BBS5: variants seen among roughly 807,000 people sequenced by gnomAD.
BBS5 encodes the protein BBSome complex member BBS5.
Under a neutral mutation model 50.2 loss-of-function variants are expected in BBS5, and 39 were observed. The observed-to-expected ratio is 0.78, with a 90% CI of 0.60 to 1.01. BBS5 has a LOEUF of 1.01. BBS5 is among the 50% of genes least tolerant of loss of function. BBS5 has a pLI of 0.00. For synonymous variants in BBS5, 134 were observed against 133.1 expected, an observed-to-expected ratio of 1.01 and a Z score of -0.05; for missense variants, 356 against 401.5, an observed-to-expected ratio of 0.89 and a Z score of 0.97.
intron 5 of BBS5, among the ~76,000 whole-genome samples, chr2:169,489,531 C>G (rs1683552967): frequency 2.0e-5 from 3 of 151,016 alleles, no homozygotes; most frequent in Admixed American, 2.0e-4. Flanking sequence ...GTTTCCAACT[C>G]CTGGGCTCAA....
At chr2:169,490,133 C>T (rs1209827650) in intron 5 of BBS5, among the ~76,000 whole-genome samples, 1 of 150,272 alleles carries the variant, frequency 6.7e-6, no homozygotes, top group African/African-American at 2.5e-5. Flanking sequence ...CCTCAGCCTC[C>T]CAAAGGGCCG....
At chr2:169,494,060 C>T (rs748409958) in intron 7 of BBS5, among the ~76,000 whole-genome samples, 1 of 152,098 alleles carries the variant, frequency 6.6e-6, no homozygotes, top group Non-Finnish European at 1.5e-5. Context: ...TATCAACTTG[C>T]TATTAGAAGA....
Position 169,505,258 on chromosome 2 carries a change from T to A in BBS5, c.*676T>A. On this transcript the variant is annotated 3_prime_UTR_variant, in exon 12 of 12. Transcript: ENST00000295240. ...AGACGGAGTCTGGTTCACTTAGTGC[T>A]CAATGGTGCCCAGGCTGGAGTGCAG... The A allele has an allele frequency of 2.3e-6, 1 of 432,990 alleles. No individual in the cohort carries two copies. Among genetic ancestry groups the A allele is most frequent in the South Asian group, 2.0e-5 (1 of 50,068 alleles). The allele number at this position is 432,990 out of a possible 1,614,324, so 26.8% of individuals were successfully genotyped here. A position where few individuals can be genotyped will look rare whatever the true frequency, so the allele number is the denominator to read the frequency against.
intron 1 of BBS5, among the ~76,000 whole-genome samples, chr2:169,481,231 T>C (rs1683389912): frequency 6.6e-6 from 1 of 152,216 alleles, no homozygotes; most frequent in African/African-American, 2.4e-5. Flanking sequence ...AACAGAACAA[T>C]TTATTCTACC....
chr2:169,488,019 A>T lies in BBS5; in HGVS notation c.291A>T (p.Ile97=). The T allele has an allele frequency of 6.2e-7, 1 of 1,613,858 alleles. No individual in the cohort carries two copies. Among genetic ancestry groups the T allele is most frequent in the Non-Finnish European group, 8.5e-7 (1 of 1,179,794 alleles). Residue 97 remains isoleucine, a synonymous_variant, in exon 5 of 12, where the codon ATA becomes ATT. Transcript: ENST00000295240. ...GAGGCCAAACTGAAGCTCTCTATAT[A>T]CTAACAAAATGTAACAGTACTCGTT... The part of the protein sequence containing the change: ...KLRGQTEALY[I]LTKCNSTRFE...
chr2:169,487,321 G>T (rs184953470), intron 3 of BBS5, among the ~76,000 whole-genome samples, 187 bp downstream of exon 3: 152 of 152,138 alleles, frequency 1.0e-3, no homozygotes, highest in African/African-American at 3.4e-3. Flanking sequence ...TTGTGTCTTG[G>T]ACATATAGAA....
At position 169,505,023 on chromosome 2, in the gene BBS5, G is replaced by A; in HGVS notation, c.*441G>A. On this transcript the variant is annotated 3_prime_UTR_variant, in exon 12 of 12. Transcript: ENST00000295240. ...AAAATGGCCGAAGCTGGACTGTACT[G>A]CTGCCATCTCTGGCTCACTGCAACC... 1 of 1,589,670 alleles carries A rather than the reference G, an allele frequency of 6.3e-7. No individual in the cohort carries two copies. Among genetic ancestry groups the A allele is most frequent in the South Asian group, 1.1e-5 (1 of 90,664 alleles).
At chr2:169,489,851 C>T (rs1190467934) in intron 5 of BBS5, among the ~76,000 whole-genome samples, 23 of 65,886 alleles carry the variant, frequency 3.5e-4, no homozygotes, top group African/African-American at 1.7e-3. Flanking sequence ...CATAAATTTC[C>T]TTTTTTTTTT....
intron 7 of BBS5, among the ~76,000 whole-genome samples, chr2:169,495,464 A>G (rs957480769): frequency 6.6e-6 from 1 of 152,190 alleles, no homozygotes; most frequent in Non-Finnish European, 1.5e-5. Context: ...ACAACTTGCA[A>G]TCTGATATCA....
chr2:169,485,917 A>G (rs1365486422), intron 2 of BBS5, among the ~76,000 whole-genome samples: 5 of 152,314 alleles, frequency 3.3e-5, no homozygotes, highest in Non-Finnish European at 5.9e-5. Flanking sequence ...TCCAGATTTC[A>G]TGAACTGCTG....
intron 2 of BBS5, among the ~76,000 whole-genome samples, chr2:169,483,757 T>C (rs944593525): frequency 6.6e-6 from 1 of 152,160 alleles, no homozygotes; most frequent in African/African-American, 2.4e-5. Context: ...CTTAAAGTAA[T>C]GCTTAGATCA....
At position 169,505,608 on chromosome 2, in the gene BBS5, C is replaced by G; in HGVS notation, c.*1026C>G. On this transcript the variant is annotated 3_prime_UTR_variant, in exon 12 of 12. Coordinates refer to ENST00000295240, the MANE Select transcript of BBS5 (RefSeq NM_152384.3). Reference sequence around the variant, plus strand: ...TGTGGGGAGCACCTCTGCCCGGCCGCGACCCCATTTGGGAGGTGAGGAGCA... The same window carrying G: ...TGTGGGGAGCACCTCTGCCCGGCCGGGACCCCATTTGGGAGGTGAGGAGCA... The G allele has an allele frequency of 4.0e-6, 1 of 252,414 alleles. No homozygotes were observed. The highest frequency in any genetic ancestry group is 7.9e-6 in the Non-Finnish European group (1 of 126,732). The allele number at this position is 252,414 out of a possible 1,614,324, so 15.6% of individuals were successfully genotyped here. A position where few individuals can be genotyped will look rare whatever the true frequency, so the allele number is the denominator to read the frequency against.
chr2:169,485,195 C>G (rs1203156281), intron 2 of BBS5, among the ~76,000 whole-genome samples: 1 of 152,016 alleles, frequency 6.6e-6, no homozygotes, highest in Non-Finnish European at 1.5e-5. Flanking sequence ...GTAAGGAAAA[C>G]AGGTATATCT....
chr2:169,487,195 G>C, intron 3 of BBS5, 61 bp downstream of exon 3: 4 of 1,110,088 alleles, frequency 3.6e-6, no homozygotes, highest in Non-Finnish European at 5.5e-6. Flanking sequence ...GAATTTGCAT[G>C]GTGCCTTTGA....
chr2:169,502,052 T>C (rs1400851813), intron 9 of BBS5, among the ~76,000 whole-genome samples: 1 of 152,030 alleles, frequency 6.6e-6, no homozygotes, highest in African/African-American at 2.4e-5. Context: ...TCTCTCTCCT[T>C]CCTCCCTTCC....
At chr2:169,500,614 A>G (rs987713867) in intron 9 of BBS5, among the ~76,000 whole-genome samples, 1 of 152,216 alleles carries the variant, frequency 6.6e-6, no homozygotes, top group Non-Finnish European at 1.5e-5. Context: ...TATCACAGCC[A>G]TTACTTATAT....
intron 6 of BBS5, 144 bp from the exon 7 acceptor site, chr2:169,493,597 G>C (rs1325354055): frequency 1.2e-5 from 8 of 688,256 alleles, no homozygotes; most frequent in Non-Finnish European, 1.9e-5. Flanking sequence ...TCGTCTAATT[G>C]TACTGCCATC....
intron 3 of BBS5, 121 bp downstream of exon 3, chr2:169,487,255 A>G (rs1487421317): frequency 1.1e-5 from 8 of 714,076 alleles, no homozygotes; most frequent in Middle Eastern, 3.9e-4. Flanking sequence ...ACCTTCAGAA[A>G]TCCTAGACAT....
In BBS5 at chr2:169,479,532, C is replaced by G; in HGVS notation, c.-22C>G. The G allele has an allele frequency of 6.2e-7, 1 of 1,614,026 alleles. No individual in the cohort carries two copies. The highest frequency in any genetic ancestry group is 8.5e-7 in the Non-Finnish European group (1 of 1,179,890). The stretch of plus-strand genomic sequence containing the variant: ...TAGGCCTGCACGGCTGTGGAGAGAT[C>G]CTGCCACGGGCCTTGTTCACCATGT... On this transcript the variant is annotated 5_prime_UTR_variant, in exon 1 of 12. The change creates a new upstream start codon in the 5' untranslated region. Coordinates refer to ENST00000295240, the MANE Select transcript of BBS5 (RefSeq NM_152384.3).
Sources: gnomAD v4.1 joint callset for allele counts (sites outside exome capture counted in the v4.1 genomes callset) on GRCh38, gnomAD v4.1.1 for gene constraint, MANE v1.5 for transcripts, NCBI Gene and HGNC (gene_info 2026-07-23, HGNC 2026-07-21) for gene names.